Variants in GALNT16 observed in about 807,000 individuals in gnomAD.
The protein encoded by GALNT16 is polypeptide N-acetylgalactosaminyltransferase 16, also known as UDP-GalNAc:polypeptide N-acetylgalactosaminyltransferase-like protein 1.
In GALNT16, 40 loss-of-function variants were observed where a neutral mutation model predicts 76.1. The observed-to-expected ratio is 0.53, with a 90% confidence interval of 0.41 to 0.68. GALNT16 has a LOEUF of 0.68. Ranked by LOEUF, GALNT16 falls within the 30% of genes least tolerant of loss-of-function variation. The pLI, the probability that GALNT16 is intolerant of heterozygous loss-of-function variation, is 0.00. For missense variants in GALNT16, 621 were observed against 731.9 expected (o/e 0.85, Z 1.75); for synonymous variants, 276 against 285.2 (o/e 0.97, Z 0.32).
At chr14:69,341,000 T>C (rs1594864666) in intron 11 of GALNT16, among the ~76,000 whole-genome samples, 1 of 152,194 alleles carries the variant, frequency 6.6e-6, no homozygotes, top group East Asian at 1.9e-4. Flanking sequence ...TCTCCCTTTT[T>C]TTGAAAAAAT....
intron 1 of GALNT16, among the ~76,000 whole-genome samples, chr14:69,278,730 G>A (rs2044504052): frequency 1.3e-5 from 2 of 152,168 alleles, no homozygotes; most frequent in Non-Finnish European, 2.9e-5. Context: ...TGTGTTGTCC[G>A]TGTTTCATAG....
intron 1 of GALNT16, among the ~76,000 whole-genome samples, chr14:69,264,782 T>TTTC (rs2044319139): frequency 1.3e-5 from 2 of 150,916 alleles, no homozygotes; most frequent in East Asian, 3.9e-4. Flanking sequence ...TTTCTTTTCT[T>TTTC]TCTTTTCTTT....
chr14:69,297,962 C>T (rs2044792222), intron 1 of GALNT16, among the ~76,000 whole-genome samples: 1 of 152,208 alleles, frequency 6.6e-6, no homozygotes, highest in Admixed American at 6.5e-5. Context: ...ACTGTACTCA[C>T]CCCTATTTTA....
At chr14:69,376,921 T>C in the GALNT16 span, among the ~76,000 whole-genome samples, 1 of 152,306 alleles carries the variant, frequency 6.6e-6, no homozygotes, top group East Asian at 1.9e-4. Context: ...TTAGTGGCTC[T>C]TGTTGTACAT....
At chr14:69,289,446 G>T (rs767488472) in intron 1 of GALNT16, among the ~76,000 whole-genome samples, 1 of 152,162 alleles carries the variant, frequency 6.6e-6, no homozygotes, top group East Asian at 1.9e-4. Flanking sequence ...TCGCTGGAAG[G>T]TTCAGACTCT....
At chr14:69,300,148 G>A (rs557613148) in intron 1 of GALNT16, among the ~76,000 whole-genome samples, 4 of 152,292 alleles carry the variant, frequency 2.6e-5, no homozygotes, top group South Asian at 4.1e-4. Flanking sequence ...CAAAATAAGC[G>A]AATCTCTAAC....
At chr14:69,301,738 C>T (rs796395942) in intron 1 of GALNT16, among the ~76,000 whole-genome samples, 19 of 152,226 alleles carry the variant, frequency 1.2e-4, no homozygotes, top group African/African-American at 4.6e-4. Flanking sequence ...ACTGTAATCC[C>T]AGCACTTTGG....
At chr14:69,360,696 AAAG>A, downstream of GALNT16, among the ~76,000 whole-genome samples, 1 of 152,218 alleles carries the variant, frequency 6.6e-6, no homozygotes, top group Admixed American at 6.5e-5. Flanking sequence ...AAAGAAAAGA[AAAG>A]AAATGAAGAA....
chr14:69,384,343 T>C, the GALNT16 span, among the ~76,000 whole-genome samples: 1 of 152,254 alleles, frequency 6.6e-6, no homozygotes, highest in South Asian at 2.1e-4. Context: ...TAGATTTGTC[T>C]GAATTTTACA....
At chr14:69,284,345 A>G (rs2044581990) in intron 1 of GALNT16, among the ~76,000 whole-genome samples, 1 of 152,196 alleles carries the variant, frequency 6.6e-6, no homozygotes, top group African/African-American at 2.4e-5. Context: ...CTGCACACAG[A>G]TAGGTATAAG....
rs2045576216 is a variant in GALNT16 at position 69,347,153 on chromosome 14, G to T, written c.1385G>T (p.Gly462Val). Residue 462 changes from glycine (G) to valine (V), a missense_variant, in exon 13 of 15, where the codon GGG becomes GTG. By Grantham distance (109) the Gly-to-Val change is moderately radical (BLOSUM62 -3). Coordinates refer to ENST00000448469, the MANE Select transcript of GALNT16 (RefSeq NM_001168368.2). ...DFLLGMGICR[G>V]SAKNPQPAQA... is the part of the protein sequence containing the mutation. ...CTGCTTGGAATGGGGATCTGCAGAG[G>T]GTCTGCCAAGAACCCGCAGCCCGCC... The T allele has an allele frequency of 6.2e-7, 1 of 1,612,604 alleles. No homozygotes were observed.
In GALNT16 at chr14:69,333,583, G is replaced by T. The variant is rs144140025; in HGVS notation, c.950G>T (p.Trp317Leu). Residue 317 changes from tryptophan (W) to leucine (L), a missense_variant, in exon 9 of 15, where the codon TGG becomes TTG. Physicochemically the swap from Trp to Leu is moderately conservative, Grantham distance 61. Transcript: ENST00000448469. This position sits in a 1 kb window ranked among gnomAD's most constrained non-coding sequence, Gnocchi z 4.2. ...LGKYDAQMDIWGGENFELSFR... is the reference protein window; with the variant it reads ...LGKYDAQMDILGGENFELSFR... ...AAGTATGATGCCCAGATGGACATCT[G>T]GGGGGGAGAGAATTTTGGTGAGTTG... 2.5e-5 allele frequency: 39 copies of T among 1,557,718 alleles called. No homozygotes were observed. Among genetic ancestry groups the T allele is most frequent in the Middle Eastern group, 1.7e-4 (1 of 5,992 alleles).
chr14:69,305,301 T>C lies in GALNT16; in HGVS notation c.178-15410T>C, dbSNP rs546028289. Among the ~76,000 whole-genome samples, 45 of 152,086 alleles carry C rather than the reference T, an allele frequency of 3.0e-4. No homozygotes were observed. The Middle Eastern group carries it at 0.01, about 34-fold the overall frequency. On this transcript the variant is annotated intron_variant, in intron 1 of 14. Coordinates refer to ENST00000448469, the MANE Select transcript of GALNT16 (RefSeq NM_001168368.2). ...GCCTCAGCCTCCCAAGTAGCTGCGA[T>C]TACAGACATGTGCCACCATACCTGG...
chr14:69,328,357 C>G, intron 5 of GALNT16, 93 bp from the exon 6 acceptor site: 1 of 1,323,736 alleles, frequency 7.6e-7, no homozygotes, highest in Non-Finnish European at 1.0e-6. Context: ...AGCCTCAGCC[C>G]CTGAAGGAGA....
Position 69,352,112 on chromosome 14 carries a change from A to C in GALNT16, c.1621A>C (p.Ser541Arg). 3 of 1,614,050 alleles carry C rather than the reference A, an allele frequency of 1.9e-6. No individual in the cohort carries two copies. The East Asian group carries it at 6.7e-5, about 36-fold the overall frequency. ...LETKPAQLVT[S>R]KCQADAQAQQ... is the part of the protein sequence containing the mutation. The stretch of plus-strand genomic sequence containing the variant: ...GACAAAGCCTGCCCAGCTGGTGACC[A>C]GCAAGTGTCAGGCTGACGCCCAGGC... The change falls in exon 15 of 15, where the codon AGC (serine) becomes CGC (arginine). Residue 541 changes from serine to arginine, a missense_variant. Coordinates refer to ENST00000448469, the MANE Select transcript of GALNT16 (RefSeq NM_001168368.2).
chr14:69,326,874 T>A (rs1229763340), intron 5 of GALNT16, among the ~76,000 whole-genome samples: 1 of 152,176 alleles, frequency 6.6e-6, no homozygotes, highest in Non-Finnish European at 1.5e-5. Context: ...CAGCCATGGC[T>A]CCAACCTGTG....
chr14:69,380,522 A>ACTGG, the GALNT16 span: 1 of 720,804 alleles, frequency 1.4e-6, no homozygotes, highest in Non-Finnish European at 2.4e-6. Flanking sequence ...CAACCCCCCC[A>ACTGG]GTGCTTCCAA....
intron 1 of GALNT16, among the ~76,000 whole-genome samples, chr14:69,287,258 C>T (rs1004936445): frequency 6.6e-6 from 1 of 152,202 alleles, no homozygotes; most frequent in African/African-American, 2.4e-5. Context: ...TGAAATACAT[C>T]CCAGAGATAA....
the GALNT16 span, chr14:69,380,121 G>A: frequency 2.0e-5 from 3 of 153,098 alleles, no homozygotes; most frequent in Admixed American, 6.6e-5. Context: ...AGCACTCAGG[G>A]AGAAAATATA....
Sources: allele counts gnomAD v4.1 joint callset (sites outside exome capture counted in the v4.1 genomes callset), GRCh38; gene constraint gnomAD v4.1.1; non-coding constraint Gnocchi (gnomAD v3.1); transcripts MANE v1.5; gene names NCBI Gene and HGNC (gene_info 2026-07-23, HGNC 2026-07-21).